The following VWC2L variants were observed in gnomAD, a reference collection of about 807,000 sequenced individuals.
The protein encoded by VWC2L is von Willebrand factor C domain-containing protein 2-like.
VWC2L carries 10 observed loss-of-function variants against 21.6 expected under a neutral mutation model. That is an observed-to-expected ratio of 0.46 (90% CI 0.29 to 0.78). VWC2L has a LOEUF of 0.78. VWC2L is among the 30% of genes least tolerant of loss of function. VWC2L has a pLI of 0.10. For synonymous variants in VWC2L, 96 were observed against 94.3 expected (o/e 1.02, Z -0.10); for missense variants, 209 against 277.1 (o/e 0.75, Z 1.74).
At chr2:214,507,179 A>G (rs1688979577) in intron 3 of VWC2L, among the ~76,000 whole-genome samples, 1 of 152,198 alleles carries the variant, frequency 6.6e-6, no homozygotes, top group Non-Finnish European at 1.5e-5. Context: ...TAACATGTGT[A>G]TCTAAAGACA....
intron 3 of VWC2L, among the ~76,000 whole-genome samples, chr2:214,557,276 C>A (rs1026218404): frequency 1.3e-5 from 2 of 152,018 alleles, no homozygotes; most frequent in African/African-American, 4.8e-5. Flanking sequence ...GAATGAAAAC[C>A]AAGCTAAACG....
chr2:214,514,226 C>A (rs1395447438), intron 3 of VWC2L, among the ~76,000 whole-genome samples: 1 of 151,420 alleles, frequency 6.6e-6, no homozygotes, highest in East Asian at 1.9e-4. Flanking sequence ...CAACTAAAAT[C>A]ATCTAACAGT....
At chr2:214,413,390 T>G (rs1443625163) in intron 1 of VWC2L, among the ~76,000 whole-genome samples, 1 of 152,106 alleles carries the variant, frequency 6.6e-6, no homozygotes, top group Non-Finnish European at 1.5e-5. Flanking sequence ...TACAAATAAA[T>G]TTGTTTTTAA....
At chr2:214,472,144 G>A (rs554180022) in intron 3 of VWC2L, 14 of 152,146 alleles carry the variant, frequency 9.2e-5, no homozygotes, top group Non-Finnish European at 2.1e-4. Context: ...AATAAGTATT[G>A]GGTATGACTC....
intron 2 of VWC2L, among the ~76,000 whole-genome samples, chr2:214,417,957 C>G (rs552190268): frequency 1.3e-5 from 2 of 152,266 alleles, no homozygotes; most frequent in Admixed American, 6.5e-5. Context: ...AATTTCCCTG[C>G]TGTAGCCTAG....
chr2:214,454,598 CTTT>C (rs34032234), intron 3 of VWC2L, among the ~76,000 whole-genome samples: 2 of 64,134 alleles, frequency 3.1e-5, no homozygotes, highest in African/African-American at 6.4e-5. Context: ...GATTGATTTT[CTTT>C]TTTTTTTTTT....
At chr2:214,446,719 C>A (rs532473875) in intron 3 of VWC2L, among the ~76,000 whole-genome samples, 2 of 152,224 alleles carry the variant, frequency 1.3e-5, no homozygotes, top group African/African-American at 2.4e-5. Context: ...CCAGTCCCCC[C>A]ACAAAACATA....
intron 3 of VWC2L, among the ~76,000 whole-genome samples, chr2:214,470,880 G>A: frequency 8.2e-6 from 1 of 121,400 alleles, no homozygotes; most frequent in Admixed American, 1.2e-4. Flanking sequence ...TTGTGCCACT[G>A]CACTCCAGCC....
chr2:214,561,464 A>G (rs1252385830), intron 3 of VWC2L, among the ~76,000 whole-genome samples: 1 of 152,156 alleles, frequency 6.6e-6, no homozygotes, highest in Non-Finnish European at 1.5e-5. Flanking sequence ...GTAAAAATAA[A>G]GAGAAAAAAT....
chr2:214,502,400 C>G (rs1688907308), intron 3 of VWC2L, among the ~76,000 whole-genome samples: 1 of 151,972 alleles, frequency 6.6e-6, no homozygotes, highest in Admixed American at 6.6e-5. Context: ...TGAAACCCCC[C>G]CTCTACTAAA....
chr2:214,573,866 C>T (rs1185468159), intron 3 of VWC2L, among the ~76,000 whole-genome samples: 1 of 152,132 alleles, frequency 6.6e-6, no homozygotes, highest in Admixed American at 6.6e-5. Context: ...CAAGGCCAGG[C>T]GTGGTGGCTC....
intron 2 of VWC2L, among the ~76,000 whole-genome samples, chr2:214,426,171 CAAAAAAAAAAAAAA>C (rs34411661): frequency 1.3e-4 from 9 of 69,956 alleles, no homozygotes; most frequent in African/African-American, 2.8e-4. Context: ...GGCTTCGTCT[CAAAAAAAAAAAAAA>C]AAAAAAAAAA....
chr2:214,470,590 C>T (rs972902776), intron 3 of VWC2L, among the ~76,000 whole-genome samples: 1 of 151,842 alleles, frequency 6.6e-6, no homozygotes, highest in Non-Finnish European at 1.5e-5. Flanking sequence ...AAGACTGAAG[C>T]CTTTGTTTGA....
Position 214,479,431 on chromosome 2 carries a change from C to T in VWC2L, c.520+42673C>T, listed in dbSNP as rs534384903. Among the ~76,000 whole-genome samples the T allele has an allele frequency of 7.2e-4, 110 of 152,120 alleles. 1 individual carries two copies. The highest frequency in any genetic ancestry group is 3.5e-3 in the South Asian group (17 of 4,824). On this transcript the variant is annotated intron_variant, in intron 3 of 3. Coordinates refer to ENST00000312504, the MANE Select transcript of VWC2L (RefSeq NM_001080500.4). ...CTTTGAATTTTTATCTCTTTTTGTA[C>T]CCATCAAAAAGAAGCAATCAAAATA...
In VWC2L at chr2:214,575,746, C is replaced by T. The variant is rs1690220051; in HGVS notation, c.595C>T (p.His199Tyr). 1 of 1,613,580 alleles carries T rather than the reference C, an allele frequency of 6.2e-7. No individual in the cohort carries two copies. The highest frequency in any genetic ancestry group is 8.5e-7 in the Non-Finnish European group (1 of 1,179,566). The change falls in exon 4 of 4, where the codon CAT becomes TAT. Residue 199 changes from histidine to tyrosine, a missense_variant. Physicochemically the swap from His to Tyr is moderately conservative, Grantham distance 83. Transcript: ENST00000312504. ...EVKVDECNIC[H>Y]CHNGDWWKPA... ...GAAAGTGGACGAATGTAACATCTGT[C>T]ATTGTCACAACGGGGACTGGTGGAA...
chr2:214,473,690 G>A (rs1703341896), intron 3 of VWC2L: 1 of 148,548 alleles, frequency 6.7e-6, no homozygotes, highest in Non-Finnish European at 1.5e-5. Flanking sequence ...AACCCAGACA[G>A]GTTTTACACT....
intron 3 of VWC2L, among the ~76,000 whole-genome samples, chr2:214,548,334 T>C (rs1027195482): frequency 2.6e-5 from 4 of 152,200 alleles, no homozygotes; most frequent in African/African-American, 7.2e-5. Flanking sequence ...GTGCCAGTAT[T>C]CTCTAGGATC....
At chr2:214,514,000 T>C (rs1574608456) in intron 3 of VWC2L, among the ~76,000 whole-genome samples, 1 of 152,146 alleles carries the variant, frequency 6.6e-6, no homozygotes, top group African/African-American at 2.4e-5. Context: ...AGGATGTTGA[T>C]GGAGCAAGTA....
At chr2:214,474,076 TAAAGA>T (rs1407967570) in intron 3 of VWC2L, among the ~76,000 whole-genome samples, 1 of 152,064 alleles carries the variant, frequency 6.6e-6, no homozygotes, top group East Asian at 1.9e-4. Flanking sequence ...GTCTACAGGT[TAAAGA>T]AGAGCAGATT....
Sources: allele counts gnomAD v4.1 joint callset (sites outside exome capture counted in the v4.1 genomes callset), GRCh38; gene constraint gnomAD v4.1.1; transcripts MANE v1.5; gene names NCBI Gene and HGNC (gene_info 2026-07-23, HGNC 2026-07-21).